ROBO1: variants seen among roughly 807,000 people sequenced by gnomAD.
The protein encoded by ROBO1 is roundabout guidance receptor 1.
In ROBO1, 149 loss-of-function variants were observed where a neutral mutation model predicts 195.9. The observed-to-expected ratio is 0.76, with a 90% CI of 0.67 to 0.87. The LOEUF (loss-of-function observed/expected upper bound fraction) is 0.87, where lower values mean the gene tolerates loss of function less well. ROBO1 is among the 40% of genes least tolerant of loss of function. ROBO1 has a pLI of 0.00. For missense variants in ROBO1, 1,933 were observed against 2,068.3 expected (o/e 0.93, Z 1.27); for synonymous variants, 816 against 733.2 (o/e 1.11, Z -1.82).
At position 78,968,784 on chromosome 3, in the gene ROBO1, A is replaced by G. The variant is rs79162992; in HGVS notation, c.173-29857T>C. Among the ~76,000 whole-genome samples the G allele has an allele frequency of 6.5e-3, 991 of 152,280 alleles. 14 individuals carry two copies. Among genetic ancestry groups the G allele is most frequent in the African/African-American group, 0.023 (944 of 41,564 alleles). ...GCAATGCATCCTTCTTGGCTGACAA[A>G]TAGGTTTCATTCAAATAATATACCA... is the stretch of plus-strand genomic sequence containing the variant. On this transcript the variant is annotated intron_variant, in intron 3 of 30. Coordinates refer to ENST00000464233, the MANE Select transcript of ROBO1 (RefSeq NM_002941.4).
intron 24 of ROBO1, among the ~76,000 whole-genome samples, chr3:78,633,021 C>A (rs1486921146): frequency 1.3e-5 from 2 of 152,116 alleles, no homozygotes; most frequent in African/African-American, 4.8e-5. Context: ...CCAACAGAAA[C>A]ACAGGCTAGA....
intron 4 of ROBO1, among the ~76,000 whole-genome samples, chr3:78,907,751 T>C (rs2107517218): frequency 6.6e-6 from 1 of 152,172 alleles, no homozygotes; most frequent in Middle Eastern, 3.4e-3. Flanking sequence ...TAGAAAGTAA[T>C]ATCAGGTCTT....
chr3:79,153,314 C>A (rs993462721), intron 2 of ROBO1, among the ~76,000 whole-genome samples: 1 of 151,714 alleles, frequency 6.6e-6, no homozygotes, highest in Non-Finnish European at 1.5e-5. Flanking sequence ...AAATCTTCAA[C>A]AATAGCAACA....
intron 2 of ROBO1, among the ~76,000 whole-genome samples, chr3:79,126,091 G>A (rs2080210842): frequency 1.3e-5 from 2 of 152,122 alleles, no homozygotes. Context: ...GAGAAACACG[G>A]AAGAAAACGG....
At chr3:78,900,936 G>A (rs751010923) in intron 4 of ROBO1, among the ~76,000 whole-genome samples, 8 of 152,152 alleles carry the variant, frequency 5.3e-5, no homozygotes, top group African/African-American at 2.4e-5. Flanking sequence ...AAAATGAAAT[G>A]CAACACCTTT....
chr3:79,379,446 G>A (rs2036497496), intron 2 of ROBO1, among the ~76,000 whole-genome samples: 1 of 152,134 alleles, frequency 6.6e-6, no homozygotes, highest in African/African-American at 2.4e-5. Context: ...AGTTCATCAT[G>A]TCTGGTAGGC....
At chr3:78,765,004 C>T (rs1229445679) in intron 4 of ROBO1, among the ~76,000 whole-genome samples, 4 of 152,126 alleles carry the variant, frequency 2.6e-5, no homozygotes, top group African/African-American at 9.6e-5. Flanking sequence ...ATCGTAGCAA[C>T]TCATCAATGA....
intron 4 of ROBO1, among the ~76,000 whole-genome samples, chr3:78,804,852 T>C (rs1245253248): frequency 6.6e-6 from 1 of 152,036 alleles, no homozygotes; most frequent in African/African-American, 2.4e-5. Context: ...GTACATCTAT[T>C]AAGAGTTCCA....
At chr3:79,430,709 G>T (rs369028746) in intron 2 of ROBO1, among the ~76,000 whole-genome samples, 2 of 152,010 alleles carry the variant, frequency 1.3e-5, no homozygotes, top group Non-Finnish European at 2.9e-5. Context: ...TTTTCCTCTT[G>T]TTCCTGTTCT....
chr3:78,636,169 C>A, intron 22 of ROBO1, 61 bp from the exon 23 acceptor site: 1 of 1,228,158 alleles, frequency 8.1e-7, no homozygotes, highest in East Asian at 2.5e-5. Flanking sequence ...TTTTAAATTT[C>A]TTTTTACGTA....
intron 26 of ROBO1, among the ~76,000 whole-genome samples, chr3:78,621,057 A>C (rs112684934): frequency 0.023 from 3,439 of 151,960 alleles, 134 homozygotes; most frequent in African/African-American, 0.079. Flanking sequence ...ATATATACAC[A>C]CAACATTCTT....
At chr3:79,165,331 T>C (rs2081044927) in intron 2 of ROBO1, among the ~76,000 whole-genome samples, 1 of 152,224 alleles carries the variant, frequency 6.6e-6, no homozygotes, top group South Asian at 2.1e-4. Context: ...AGTAATCAGC[T>C]GAGCACTTCA....
chr3:78,636,246 G>C (rs1417199782), intron 22 of ROBO1, 138 bp from the exon 23 acceptor site: 1 of 562,690 alleles, frequency 1.8e-6, no homozygotes, highest in Admixed American at 3.4e-5. Context: ...CAATAAAAAC[G>C]GCCAAATATC....
intron 22 of ROBO1, 49 bp downstream of exon 22, chr3:78,639,695 T>C (rs1705805463): frequency 6.6e-7 from 1 of 1,526,604 alleles, no homozygotes; most frequent in Non-Finnish European, 8.9e-7. Flanking sequence ...ATCTTCTGGC[T>C]AGTTCCTTAA....
At chr3:79,039,425 A>G (rs2078440804) in intron 3 of ROBO1, among the ~76,000 whole-genome samples, 1 of 152,174 alleles carries the variant, frequency 6.6e-6, no homozygotes, top group Non-Finnish European at 1.5e-5. Flanking sequence ...ATTAGGGAGT[A>G]TTGTACTGCC....
intron 2 of ROBO1, among the ~76,000 whole-genome samples, chr3:79,169,851 A>G (rs2081135589): frequency 6.6e-6 from 1 of 152,178 alleles, no homozygotes; most frequent in Admixed American, 6.5e-5. Context: ...CTCTCAATTT[A>G]TGGACATGGA....
chr3:79,339,818 C>T (rs1006203938), intron 2 of ROBO1, among the ~76,000 whole-genome samples: 1 of 152,166 alleles, frequency 6.6e-6, no homozygotes, highest in Non-Finnish European at 1.5e-5. Context: ...TTAGTGAATA[C>T]ATAAGTAAAA....
At chr3:78,717,229 A>G (rs1480489000) in intron 7 of ROBO1, 46 bp downstream of exon 7, 1 of 1,511,526 alleles carries the variant, frequency 6.6e-7, no homozygotes, top group Admixed American at 2.3e-5. Context: ...TGAGAAACGT[A>G]GAAATGCTGA....
At chr3:78,957,488 CA>C (rs2041108915) in intron 3 of ROBO1, among the ~76,000 whole-genome samples, 1 of 152,162 alleles carries the variant, frequency 6.6e-6, no homozygotes, top group Admixed American at 6.5e-5. Flanking sequence ...GGCCCGTAAA[CA>C]ACCAGTAAGC....
Sources: allele counts gnomAD v4.1 joint callset (sites outside exome capture counted in the v4.1 genomes callset), GRCh38; gene constraint gnomAD v4.1.1; transcripts MANE v1.5; gene names NCBI Gene and HGNC (gene_info 2026-07-23, HGNC 2026-07-21).